Variants in ERBB4 observed in about 807,000 individuals in gnomAD.
ERBB4 encodes receptor tyrosine-protein kinase erbB-4.
ERBB4 carries 42 observed loss-of-function variants against 158.0 expected under a neutral mutation model. The observed-to-expected ratio is 0.27, with a 90% confidence interval of 0.21 to 0.34. ERBB4 has a LOEUF of 0.34. Ranked by LOEUF, ERBB4 falls within the 10% of genes least tolerant of loss-of-function variation. The pLI, the probability that ERBB4 is intolerant of heterozygous loss-of-function variation, is 1.00. For synonymous variants in ERBB4, 583 were observed against 558.7 expected, an observed-to-expected ratio of 1.04 and a Z score of -0.61; for missense variants, 1,333 against 1,624.1, an observed-to-expected ratio of 0.82 and a Z score of 3.08.
At chr2:211,545,029 T>G (rs2066906374) in intron 20 of ERBB4, among the ~76,000 whole-genome samples, 1 of 152,086 alleles carries the variant, frequency 6.6e-6, no homozygotes, top group Non-Finnish European at 1.5e-5. Flanking sequence ...ACAAAGGACC[T>G]TTGGCTGTAC....
At chr2:212,343,827 T>C (rs1435867102) in intron 1 of ERBB4, among the ~76,000 whole-genome samples, 1 of 152,170 alleles carries the variant, frequency 6.6e-6, no homozygotes, top group Non-Finnish European at 1.5e-5. Flanking sequence ...TTCATGTTTA[T>C]CTCATATTTT....
intron 20 of ERBB4, among the ~76,000 whole-genome samples, chr2:211,542,108 A>G (rs940626565): frequency 2.0e-5 from 3 of 152,008 alleles, no homozygotes; most frequent in Non-Finnish European, 4.4e-5. Flanking sequence ...ATTCTATTTA[A>G]TAAACTAAAA....
intron 16 of ERBB4, among the ~76,000 whole-genome samples, chr2:211,639,313 T>G (rs958507643): frequency 2.6e-5 from 4 of 152,200 alleles, no homozygotes; most frequent in Non-Finnish European, 5.9e-5. Context: ...ATTCATTATA[T>G]GGACAAGGTA....
intron 1 of ERBB4, among the ~76,000 whole-genome samples, chr2:212,461,798 C>A: frequency 6.6e-6 from 1 of 152,138 alleles, no homozygotes; most frequent in Admixed American, 6.5e-5. Context: ...TGGGAGATAA[C>A]TCAGTCATGG....
chr2:211,881,203 G>C (rs534296569), intron 3 of ERBB4, among the ~76,000 whole-genome samples: 1 of 152,200 alleles, frequency 6.6e-6, no homozygotes, highest in Non-Finnish European at 1.5e-5. Flanking sequence ...AGAAGTAGAA[G>C]TGGAAGTGGT....
At chr2:212,181,555 T>G (rs373871963) in intron 1 of ERBB4, among the ~76,000 whole-genome samples, 1 of 151,722 alleles carries the variant, frequency 6.6e-6, no homozygotes, top group East Asian at 1.9e-4. Flanking sequence ...ATCACACAGA[T>G]TTTCAGCTTA....
chr2:211,773,598 TTATATATATA>T (rs1171015959), intron 4 of ERBB4, among the ~76,000 whole-genome samples: 620 of 29,714 alleles, frequency 0.021, 13 homozygotes, highest in East Asian at 0.12. Context: ...TTCTGTAACT[TTATATATATA>T]TATATATATA....
chr2:212,261,240 G>A (rs1330743598), intron 1 of ERBB4, among the ~76,000 whole-genome samples: 1 of 152,128 alleles, frequency 6.6e-6, no homozygotes. Flanking sequence ...TTACACAAAG[G>A]ATATATTTGA....
intron 20 of ERBB4, among the ~76,000 whole-genome samples, chr2:211,549,328 G>A (rs2067020093): frequency 6.6e-6 from 1 of 152,000 alleles, no homozygotes; most frequent in Non-Finnish European, 1.5e-5. Context: ...AAAACAAAAG[G>A]CTAGTTTCTT....
At chr2:212,335,988 T>G (rs2088422276) in intron 1 of ERBB4, among the ~76,000 whole-genome samples, 1 of 152,042 alleles carries the variant, frequency 6.6e-6, no homozygotes, top group African/African-American at 2.4e-5. Context: ...TAGTTCTAAG[T>G]TACTAAATAA....
At chr2:211,928,706 A>G (rs75153479) in intron 3 of ERBB4, among the ~76,000 whole-genome samples, 2,971 of 152,308 alleles carry the variant, frequency 0.02, 41 homozygotes, top group Admixed American at 0.038. Context: ...AATGAAAACG[A>G]TATGAATATA....
At position 211,488,109 on chromosome 2, in the gene ERBB4, T is replaced by C. The variant is rs112349206; in HGVS notation, c.2488-57009A>G. Among the ~76,000 whole-genome samples, 141 of 152,132 alleles carry C rather than the reference T, an allele frequency of 9.3e-4. 1 individual carries two copies. Among genetic ancestry groups the C allele is most frequent in the African/African-American group, 3.1e-3 (129 of 41,538 alleles). On this transcript the variant is annotated intron_variant, in intron 20 of 27. Transcript: ENST00000342788. The stretch of plus-strand genomic sequence containing the variant: ...TCTAAAATACTAACAGAGCAGTATT[T>C]ATACTTCATGCAGTTCAAAGGAATG...
chr2:212,415,949 T>G (rs2091639719), intron 1 of ERBB4, among the ~76,000 whole-genome samples: 1 of 152,028 alleles, frequency 6.6e-6, no homozygotes, highest in Non-Finnish European at 1.5e-5. Flanking sequence ...TGGAACTGAG[T>G]GCAAAATAAA....
intron 1 of ERBB4, among the ~76,000 whole-genome samples, chr2:212,483,536 C>T (rs1207633299): frequency 1.3e-5 from 2 of 152,172 alleles, no homozygotes; most frequent in Non-Finnish European, 2.9e-5. Context: ...TAAAATATTT[C>T]AGACCCAATA....
At chr2:212,083,093 A>G (rs2125472547) in intron 2 of ERBB4, among the ~76,000 whole-genome samples, 1 of 152,162 alleles carries the variant, frequency 6.6e-6, no homozygotes, top group Non-Finnish European at 1.5e-5. Context: ...CGGAGAAAAG[A>G]TAAGAAAAGG....
chr2:212,321,907 T>C (rs1341311734), intron 1 of ERBB4, among the ~76,000 whole-genome samples: 2 of 150,184 alleles, frequency 1.3e-5, no homozygotes, highest in Non-Finnish European at 1.5e-5. Context: ...TGACTTTGTG[T>C]TATTAAAATG....
At chr2:211,885,834 T>C (rs936176600) in intron 3 of ERBB4, among the ~76,000 whole-genome samples, 3 of 152,180 alleles carry the variant, frequency 2.0e-5, no homozygotes, top group African/African-American at 7.2e-5. Context: ...TTTAAGAATG[T>C]TTCTTAATGA....
At chr2:212,085,863 C>G (rs1254222451) in intron 2 of ERBB4, among the ~76,000 whole-genome samples, 1 of 121,456 alleles carries the variant, frequency 8.2e-6, no homozygotes, top group African/African-American at 2.7e-5. Context: ...TTGTTATTAG[C>G]CTTATTGTAT....
intron 2 of ERBB4, among the ~76,000 whole-genome samples, chr2:211,992,867 T>C (rs749235992): frequency 4.6e-5 from 7 of 152,192 alleles, no homozygotes; most frequent in Non-Finnish European, 1.0e-4. Context: ...TTGGCTTTAT[T>C]CCAATTTAAC....
Sources: gnomAD v4.1 joint callset for allele counts (sites outside exome capture counted in the v4.1 genomes callset) on GRCh38, gnomAD v4.1.1 for gene constraint, MANE v1.5 for transcripts, NCBI Gene and HGNC (gene_info 2026-07-23, HGNC 2026-07-21) for gene names.